ARID1B: variants seen among roughly 807,000 people sequenced by gnomAD.
ARID1B encodes the protein AT-rich interactive domain-containing protein 1B.
A neutral mutation model predicts 212.3 loss-of-function variants in ARID1B; 30 were observed. The observed-to-expected ratio is 0.14, with a 90% confidence interval of 0.11 to 0.19. ARID1B has a LOEUF of 0.19. Ranked by LOEUF, ARID1B falls within the 10% of genes least tolerant of loss-of-function variation. ARID1B has a pLI of 1.00. For missense variants in ARID1B, 2,891 were observed against 3,204.0 expected (o/e 0.90, Z 2.36); for synonymous variants, 1,402 against 1,301.7 (o/e 1.08, Z -1.66).
At chr6:157,192,498 C>A (rs1296828757) in intron 15 of ARID1B, among the ~76,000 whole-genome samples, 2 of 152,130 alleles carry the variant, frequency 1.3e-5, no homozygotes, top group Non-Finnish European at 2.9e-5. Flanking sequence ...AGAAACCCAT[C>A]CTAAATTGAA....
chr6:157,062,639 C>T (rs1286984641), intron 4 of ARID1B, among the ~76,000 whole-genome samples: 1 of 151,392 alleles, frequency 6.6e-6, no homozygotes, highest in Admixed American at 6.6e-5. Context: ...TGCCTTCCTC[C>T]TGTGATGTTT....
chr6:157,122,954 T>A (rs1787844866), intron 6 of ARID1B, among the ~76,000 whole-genome samples: 1 of 152,130 alleles, frequency 6.6e-6, no homozygotes, highest in Admixed American at 6.5e-5. Context: ...AGTACTGGGA[T>A]TACAGGCATG....
At chr6:157,072,217 A>AGGAG (rs1784044053) in intron 4 of ARID1B, 1 of 152,204 alleles carries the variant, frequency 6.6e-6, no homozygotes, top group Non-Finnish European at 1.5e-5. Context: ...AGTGGGCATA[A>AGGAG]GTTAATCTTC....
intron 6 of ARID1B, among the ~76,000 whole-genome samples, chr6:157,118,524 T>A (rs1787488475): frequency 6.6e-6 from 1 of 152,236 alleles, no homozygotes; most frequent in African/African-American, 2.4e-5. Flanking sequence ...GAAGATCCCT[T>A]CTTTGTGATG....
At chr6:156,913,858 C>A (rs74746366) in intron 3 of ARID1B, among the ~76,000 whole-genome samples, 2,099 of 150,562 alleles carry the variant, frequency 0.014, 47 homozygotes, top group African/African-American at 0.048. Context: ...CCAACCCCAG[C>A]CCATGAGCCA....
chr6:157,056,398 A>G (rs1782957219), intron 4 of ARID1B, among the ~76,000 whole-genome samples: 1 of 152,248 alleles, frequency 6.6e-6, no homozygotes, highest in Non-Finnish European at 1.5e-5. Flanking sequence ...AGAAATGATA[A>G]GCATCTTTAA....
chr6:157,080,068 T>A (rs1784547465), intron 4 of ARID1B, among the ~76,000 whole-genome samples: 1 of 152,204 alleles, frequency 6.6e-6, no homozygotes, highest in Non-Finnish European at 1.5e-5. Flanking sequence ...TGAACTGGTC[T>A]CATTGATTGA....
intron 2 of ARID1B, among the ~76,000 whole-genome samples, chr6:156,889,050 T>C (rs1388397995): frequency 5.3e-5 from 8 of 152,322 alleles, no homozygotes; most frequent in South Asian, 2.1e-4. Flanking sequence ...CACAAACTTA[T>C]AGGTGAGTTT....
intron 4 of ARID1B, among the ~76,000 whole-genome samples, chr6:157,021,496 C>G (rs1026283661): frequency 2.0e-5 from 3 of 152,192 alleles, no homozygotes; most frequent in African/African-American, 7.2e-5. Flanking sequence ...CGGCCCGACC[C>G]GGGCGGGGGT....
intron 4 of ARID1B, among the ~76,000 whole-genome samples, chr6:157,051,168 G>C (rs757628221): frequency 3.3e-5 from 5 of 152,218 alleles, no homozygotes. Context: ...AAGATGAGCG[G>C]GGGACGCAAT....
intron 4 of ARID1B, among the ~76,000 whole-genome samples, chr6:157,010,094 T>A (rs928246673): frequency 1.3e-5 from 2 of 152,196 alleles, no homozygotes; most frequent in Admixed American, 1.3e-4. Context: ...TTGGATTTTC[T>A]TAGCAATATG....
chr6:157,154,636 G>A (rs976221336), intron 8 of ARID1B, among the ~76,000 whole-genome samples: 1 of 141,464 alleles, frequency 7.1e-6, no homozygotes, highest in Non-Finnish European at 1.5e-5. Flanking sequence ...CTGGAGTGCA[G>A]TTGCACAATA....
intron 8 of ARID1B, among the ~76,000 whole-genome samples, chr6:157,163,684 A>C (rs1249452262): frequency 6.6e-6 from 1 of 152,132 alleles, no homozygotes; most frequent in African/African-American, 2.4e-5. Context: ...CATGTCTCCC[A>C]CTACCCCTCA....
At chr6:156,894,179 A>G (rs1788187421) in intron 2 of ARID1B, among the ~76,000 whole-genome samples, 1 of 150,368 alleles carries the variant, frequency 6.7e-6, no homozygotes, top group Non-Finnish European at 1.5e-5. Flanking sequence ...TAAGCCAGAC[A>G]CAAAGGAACA....
intron 4 of ARID1B, among the ~76,000 whole-genome samples, chr6:157,045,226 A>G (rs1430324232): frequency 6.6e-6 from 1 of 152,188 alleles, no homozygotes; most frequent in Admixed American, 6.5e-5. Context: ...GACATTTGTG[A>G]TGGGTCATTA....
At chr6:157,129,961 G>A (rs1160686513) in intron 6 of ARID1B, among the ~76,000 whole-genome samples, 2 of 152,108 alleles carry the variant, frequency 1.3e-5, no homozygotes, top group African/African-American at 4.8e-5. Flanking sequence ...TTGAGGTCAG[G>A]CGTTCGAGAC....
At position 156,886,663 on chromosome 6, in the gene ARID1B, C is replaced by T. The variant is rs564461297; in HGVS notation, c.1987-14713C>T. 4.6e-5 allele frequency among the ~76,000 whole-genome samples: 7 copies of T among 152,286 alleles called. No homozygotes were observed. The South Asian group carries it at 1.4e-3, about 32-fold the overall frequency. On this transcript the variant is annotated intron_variant, in intron 2 of 19. Coordinates refer to ENST00000636930, the MANE Select transcript of ARID1B (RefSeq NM_001374828.1). ...TACTGGGTGAAATTATGCAGGTTTC[C>T]TAGCCCTTGACCGTAACAAGGACAG... is the stretch of plus-strand genomic sequence containing the variant.
chr6:157,020,766 A>G (rs1780185923), intron 4 of ARID1B, among the ~76,000 whole-genome samples: 1 of 152,014 alleles, frequency 6.6e-6, no homozygotes, highest in Admixed American at 6.5e-5. Context: ...CCCTTATATA[A>G]CTCTTGGTCA....
At chr6:157,008,759 G>C (rs570409556) in intron 4 of ARID1B, among the ~76,000 whole-genome samples, 4 of 152,168 alleles carry the variant, frequency 2.6e-5, no homozygotes, top group East Asian at 1.9e-4. Context: ...CGGCGGGGGA[G>C]GGGGGCGGCG....
Sources: gnomAD v4.1 joint callset for allele counts (sites outside exome capture counted in the v4.1 genomes callset) on GRCh38, gnomAD v4.1.1 for gene constraint, MANE v1.5 for transcripts, NCBI Gene and HGNC (gene_info 2026-07-23, HGNC 2026-07-21) for gene names.